Variants in IL1RL1 observed in about 807,000 individuals in gnomAD.
IL1RL1 encodes the protein interleukin 1 receptor like 1, also known as interleukin-1 receptor-like 1.
Under a neutral mutation model 50.9 loss-of-function variants are expected in IL1RL1, and 32 were observed. That is an observed-to-expected ratio of 0.63 (90% CI 0.47 to 0.84). The LOEUF (loss-of-function observed/expected upper bound fraction) is 0.84. Ranked by LOEUF, IL1RL1 falls within the 40% of genes least tolerant of loss-of-function variation. The probability of loss-of-function intolerance (pLI) is 0.00; values close to 1 mark genes in which losing one functional copy is unlikely to be tolerated. For missense variants in IL1RL1, 773 were observed against 662.9 expected (o/e 1.17, Z -1.82); for synonymous variants, 275 against 236.0 (o/e 1.17, Z -1.51).
At chr2:102,326,481 G>A (rs912714711) in intron 1 of IL1RL1, among the ~76,000 whole-genome samples, 3 of 151,972 alleles carry the variant, frequency 2.0e-5, no homozygotes, top group African/African-American at 7.2e-5. Flanking sequence ...CATAATGATA[G>A]GATCAAATTC....
chr2:102,338,462 T>C, intron 2 of IL1RL1, 137 bp downstream of exon 2: 1 of 540,574 alleles, frequency 1.8e-6, no homozygotes, highest in East Asian at 3.0e-5. Context: ...TTTTGTACAA[T>C]CATTTTTCAT....
At position 102,350,579 on chromosome 2, in the gene IL1RL1, G is replaced by C. The variant is rs1376160954; in HGVS notation, c.1286-957G>C. On this transcript the variant is annotated intron_variant, in intron 10 of 10. Transcript: ENST00000233954. ...TCTATAGTCTCATGCAACTTACCTT[G>C]CATTTGCCCCATCAAAATCCTCTCT... Among the ~76,000 whole-genome samples the C allele has an allele frequency of 3.9e-5, 6 of 152,370 alleles. No homozygotes were observed. The East Asian group carries it at 7.7e-4, about 20-fold the overall frequency.
At chr2:102,326,841 C>T (rs1388233634) in intron 1 of IL1RL1, among the ~76,000 whole-genome samples, 1 of 151,932 alleles carries the variant, frequency 6.6e-6, no homozygotes, top group Non-Finnish European at 1.5e-5. Flanking sequence ...CAGGAGCACC[C>T]AGATTCATAA....
intron 10 of IL1RL1, among the ~76,000 whole-genome samples, chr2:102,351,087 C>G (rs754740426): frequency 2.0e-5 from 3 of 152,122 alleles, no homozygotes; most frequent in Non-Finnish European, 4.4e-5. Flanking sequence ...TTCCTAGAGA[C>G]TTTGGACAAT....
chr2:102,318,672 A>G (rs1190135298), intron 1 of IL1RL1, among the ~76,000 whole-genome samples: 2 of 152,116 alleles, frequency 1.3e-5, no homozygotes, highest in Non-Finnish European at 2.9e-5. Flanking sequence ...GTGGACAGAG[A>G]AGAAAAGTGC....
At chr2:102,351,512 C>G in intron 10 of IL1RL1, 24 bp from the exon 11 acceptor site, 1 of 1,591,578 alleles carries the variant, frequency 6.3e-7, no homozygotes, top group Admixed American at 1.7e-5. Flanking sequence ...GATAAGAAAT[C>G]TGATCTATTT....
chr2:102,340,725 T>C lies in IL1RL1; in HGVS notation c.507T>C (p.Asp169=), dbSNP rs1677522632. The C allele has an allele frequency of 1.7e-5, 28 of 1,601,844 alleles. No individual in the cohort carries two copies. The highest frequency in any genetic ancestry group is 2.4e-5 in the Non-Finnish European group (28 of 1,176,514). Residue 169 remains aspartate, a synonymous_variant, in exon 5 of 11, where the codon GAT becomes GAC. Transcript: ENST00000233954. ...YRAHKSFLVI[D]NVMTEDAGDY... ...CGCACAAGTCATTTTTGGTCATTGA[T>C]AATGTGATGACTGAGGACGCAGGTG...
intron 8 of IL1RL1, among the ~76,000 whole-genome samples, chr2:102,346,917 C>T (rs1445718623): frequency 6.6e-6 from 1 of 152,204 alleles, no homozygotes; most frequent in Non-Finnish European, 1.5e-5. Flanking sequence ...ATTTGAGATT[C>T]TTCTCACATT....
Position 102,349,061 on chromosome 2 carries a change from T to G in IL1RL1, c.1118-18T>G. The G allele has an allele frequency of 6.2e-7, 1 of 1,606,486 alleles. No homozygotes were observed. Among genetic ancestry groups the G allele is most frequent in the Non-Finnish European group, 8.5e-7 (1 of 1,173,492 alleles). On this transcript the variant is annotated intron_variant, in intron 9 of 10. Coordinates refer to ENST00000233954, the MANE Select transcript of IL1RL1 (RefSeq NM_016232.5). ...TTAGAATCAAGTAAGAAGTTGTACT[T>G]CTTGTTTTCATTTTCAGATGGAAAG...
chr2:102,320,850 G>C (rs781498766), intron 1 of IL1RL1, among the ~76,000 whole-genome samples: 1 of 152,292 alleles, frequency 6.6e-6, no homozygotes. Context: ...CCATTCTTAA[G>C]AGTGTTTTCA....
chr2:102,319,255 A>G (rs1573129390), intron 1 of IL1RL1, among the ~76,000 whole-genome samples: 1 of 152,316 alleles, frequency 6.6e-6, no homozygotes, highest in East Asian at 1.9e-4. Context: ...CACAAATGCT[A>G]TATAATCACA....
chr2:102,345,098 A>G, intron 8 of IL1RL1: 2 of 868,628 alleles, frequency 2.3e-6, no homozygotes, highest in African/African-American at 1.8e-5. Flanking sequence ...AGAAGGGGAT[A>G]TGTTTTCTAC....
chr2:102,336,092 G>C (rs1677316873), intron 1 of IL1RL1, among the ~76,000 whole-genome samples: 1 of 152,140 alleles, frequency 6.6e-6, no homozygotes, highest in Non-Finnish European at 1.5e-5. Flanking sequence ...GCCCCCATGG[G>C]GAGCAAAGAC....
intron 8 of IL1RL1, chr2:102,345,056 G>T (rs1677731308): frequency 1.1e-6 from 1 of 928,984 alleles, no homozygotes; most frequent in Admixed American, 6.2e-5. Flanking sequence ...CCAAAGCAGG[G>T]TGGAGAGAGT....
In IL1RL1 at chr2:102,338,971, T is replaced by A. The variant is rs757778980; in HGVS notation, c.196T>A (p.Phe66Ile). 8.7e-6 allele frequency: 14 copies of A among 1,613,932 alleles called. No individual in the cohort carries two copies. Among genetic ancestry groups the A allele is most frequent in the African/African-American group, 2.7e-5 (2 of 74,904 alleles). The change falls in exon 3 of 11, where the codon TTT becomes ATT. Residue 66 changes from phenylalanine (F) to isoleucine (I), a missense_variant. By Grantham distance (21) the Phe-to-Ile change is conservative (BLOSUM62 0). Coordinates refer to ENST00000233954, the MANE Select transcript of IL1RL1 (RefSeq NM_016232.5). ...SIPTQERNRVFASGQLLKFLP... is the reference protein window; with the variant it reads ...SIPTQERNRVIASGQLLKFLP... ...TCCCACTCAGGAAAGAAATCGTGTG[T>A]TTGCCTCAGGCCAACTTCTGAAGTT...
rs746835349 is a variant in IL1RL1, at chr2:102,338,242, C to T, written c.-23C>T. On this transcript the variant is annotated 5_prime_UTR_variant, in exon 2 of 11. Coordinates refer to ENST00000233954, the MANE Select transcript of IL1RL1 (RefSeq NM_016232.5). ...TAATCTCAACAACGAGTTACCAATA[C>T]TTGCTCTTGATTGATAAACAGAATG... 14 of 1,568,820 alleles carry T rather than the reference C, an allele frequency of 8.9e-6. No individual in the cohort carries two copies. Among genetic ancestry groups the T allele is most frequent in the African/African-American group, 1.3e-5 (1 of 74,092 alleles).
At chr2:102,316,540 T>C (rs531226065) in intron 1 of IL1RL1, among the ~76,000 whole-genome samples, 1 of 152,204 alleles carries the variant, frequency 6.6e-6, no homozygotes, top group African/African-American at 2.4e-5. Flanking sequence ...GAGCATTTCA[T>C]CTTGCAGCAG....
chr2:102,321,989 G>A (rs1676850609), intron 1 of IL1RL1, among the ~76,000 whole-genome samples: 1 of 152,164 alleles, frequency 6.6e-6, no homozygotes, highest in African/African-American at 2.4e-5. Flanking sequence ...GCTAATAGGA[G>A]ATTATCTATC....
chr2:102,343,856 C>T lies in IL1RL1; in HGVS notation c.970+441C>T, dbSNP rs146609476. 5.0e-3 allele frequency: 5,030 copies of T among 1,006,848 alleles called. 15 individuals are homozygous for T. Among genetic ancestry groups the T allele is most frequent in the South Asian group, 6.7e-3 (156 of 23,268 alleles). The allele number at this position is 1,006,848 out of a possible 1,614,324, so 62.4% of individuals were successfully genotyped here. ...TCATAATGAACACTCATTTTGTTAG[C>T]GAGGGTGGTAAAGTGAACAAAAAGG... On this transcript the variant is annotated intron_variant, in intron 8 of 10. Coordinates refer to ENST00000233954, the MANE Select transcript of IL1RL1 (RefSeq NM_016232.5).
Sources: gnomAD v4.1 joint callset for allele counts (sites outside exome capture counted in the v4.1 genomes callset) on GRCh38, gnomAD v4.1.1 for gene constraint, MANE v1.5 for transcripts, NCBI Gene and HGNC (gene_info 2026-07-23, HGNC 2026-07-21) for gene names.